The following RSF1 variants were observed in gnomAD, a reference collection of about 807,000 sequenced individuals.
RSF1 encodes the protein remodeling and spacing factor 1, also known as HBV pX-associated protein 8.
RSF1 carries 13 observed loss-of-function variants against 145.2 expected under a neutral mutation model. The observed-to-expected ratio is 0.09, with a 90% CI of 0.06 to 0.14. The LOEUF (loss-of-function observed/expected upper bound fraction) is 0.14. Ranked by LOEUF, RSF1 falls within the 10% of genes least tolerant of loss-of-function variation. The pLI, the probability that RSF1 is intolerant of heterozygous loss-of-function variation, is 1.00. For synonymous variants in RSF1, 577 were observed against 592.6 expected (o/e 0.97, Z 0.38); for missense variants, 1,517 against 1,718.2 (o/e 0.88, Z 2.07).
chr11:77,686,116 C>T (rs1959996899), intron 9 of RSF1, among the ~76,000 whole-genome samples: 1 of 151,894 alleles, frequency 6.6e-6, no homozygotes, highest in Non-Finnish European at 1.5e-5. Context: ...AATTAAATTA[C>T]ATATTAAAAA....
chr11:77,683,816 G>T lies in RSF1; in HGVS notation c.2959C>A (p.Pro987Thr), dbSNP rs764776741. The change falls in exon 11 of 16, where the codon CCA (proline) becomes ACA (threonine). Residue 987 changes from proline to threonine, a missense_variant. Coordinates refer to ENST00000308488, the MANE Select transcript of RSF1 (RefSeq NM_016578.4). Reference sequence around the variant, plus strand: ...TCTTCTTGATCTTCAGAAAAGTCTGGCTCCTTAAAAAATATGATAATAAGC... The same window carrying T: ...TCTTCTTGATCTTCAGAAAAGTCTGTCTCCTTAAAAAATATGATAATAAGC... ...SIENIIPPQE[P>T]DFSEDQEEKK... 16 of 1,607,108 alleles carry T rather than the reference G, an allele frequency of 1.0e-5. No individual in the cohort carries two copies. The Admixed American group carries it at 1.0e-4, about 10-fold the overall frequency.
At position 77,728,626 on chromosome 11, in the gene RSF1, AGAAGG is replaced by A. The variant is rs1422020508; in HGVS notation, c.579-2932_579-2928del. On this transcript the variant is annotated intron_variant, in intron 4 of 15. Transcript: ENST00000308488. ...GAAGGGAAGGGAGAAGGGAGACGGG[AGAAGG>A]GAAGGGAAGGAAAGGAAAGGGAAAG... Among the ~76,000 whole-genome samples the A allele has an allele frequency of 4.0e-5, 6 of 151,832 alleles. No individual in the cohort carries two copies. In the East Asian group the frequency reaches 5.8e-4, roughly 15 times the overall value.
chr11:77,741,633 T>C (rs1023257268), intron 3 of RSF1, among the ~76,000 whole-genome samples: 1 of 152,190 alleles, frequency 6.6e-6, no homozygotes, highest in Non-Finnish European at 1.5e-5. Context: ...TATTCTGATA[T>C]ATGTGTATAG....
At chr11:77,837,008 C>T in the RSF1 span, among the ~76,000 whole-genome samples, 3 of 152,224 alleles carry the variant, frequency 2.0e-5, no homozygotes, top group African/African-American at 7.2e-5. Flanking sequence ...TGTTTGTCTT[C>T]TCTACTGTAG....
chr11:77,762,360 T>C (rs1330761399), intron 2 of RSF1: 1 of 152,190 alleles, frequency 6.6e-6, no homozygotes, highest in Non-Finnish European at 1.5e-5. Flanking sequence ...CTATCAATTA[T>C]CAATAGTTGT....
At chr11:77,795,492 A>G (rs539278074) in intron 1 of RSF1, among the ~76,000 whole-genome samples, 15 of 152,312 alleles carry the variant, frequency 9.8e-5, no homozygotes, top group African/African-American at 3.4e-4. Flanking sequence ...ACAGTAACCA[A>G]AACATTTCAG....
At chr11:77,770,952 C>T (rs977673072) in intron 1 of RSF1, among the ~76,000 whole-genome samples, 1 of 152,156 alleles carries the variant, frequency 6.6e-6, no homozygotes, top group African/African-American at 2.4e-5. Context: ...CTTATATAAC[C>T]ACTATCCTGG....
chr11:77,863,156 G>A, the RSF1 span, among the ~76,000 whole-genome samples: 4 of 152,130 alleles, frequency 2.6e-5, no homozygotes, highest in East Asian at 1.9e-4. Flanking sequence ...CGTGGGTCAC[G>A]GAAGAGAACC....
intron 2 of RSF1, among the ~76,000 whole-genome samples, chr11:77,758,803 A>T (rs1427609377): frequency 6.6e-6 from 1 of 152,102 alleles, no homozygotes; most frequent in African/African-American, 2.4e-5. Flanking sequence ...GAGTTTTAGG[A>T]GCTCCTTATA....
intron 6 of RSF1, among the ~76,000 whole-genome samples, chr11:77,700,349 C>CAAAAAAAAAAA (rs71046906): frequency 2.8e-4 from 13 of 47,206 alleles, no homozygotes; most frequent in Admixed American, 3.5e-4. Context: ...GACTGTCTCA[C>CAAAAAAAAAAA]AAAAAAAAAA....
chr11:77,712,855 T>G (rs1960719920), intron 5 of RSF1, among the ~76,000 whole-genome samples: 1 of 152,232 alleles, frequency 6.6e-6, no homozygotes. Flanking sequence ...AAACTCTTAC[T>G]GCTTTCAATA....
the RSF1 span, among the ~76,000 whole-genome samples, chr11:77,832,993 G>A: frequency 0.36 from 19,188 of 53,242 alleles, 3,786 homozygotes; most frequent in African/African-American, 0.52. Flanking sequence ...GTGTGTGTGT[G>A]TGTGTATATA....
intron 1 of RSF1, among the ~76,000 whole-genome samples, chr11:77,808,304 C>G (rs181418416): frequency 8.2e-4 from 124 of 152,028 alleles, no homozygotes; most frequent in African/African-American, 2.9e-3. Context: ...TGCACTGCAG[C>G]CTGGGCAACA....
chr11:77,778,234 GGGAAGGGGAGAGCATGGGGGAGGGAA>G (rs1948367568), intron 1 of RSF1, among the ~76,000 whole-genome samples: 5 of 64,162 alleles, frequency 7.8e-5, no homozygotes, highest in African/African-American at 1.2e-4. Context: ...GGGTGGGGGA[GGGAAGGGGAGAGCATGGGGGAGGGAA>G]GGGGAGAGGA....
chr11:77,739,260 A>C (rs940607963), intron 4 of RSF1: 3 of 152,588 alleles, frequency 2.0e-5, no homozygotes, highest in Non-Finnish European at 4.4e-5. Context: ...ATTTTAAACA[A>C]CTATGACTGA....
chr11:77,713,713 C>T (rs1960741896), intron 5 of RSF1, among the ~76,000 whole-genome samples: 1 of 151,754 alleles, frequency 6.6e-6, no homozygotes, highest in South Asian at 2.1e-4. Flanking sequence ...TTACAAATAC[C>T]CTGTTTTCTA....
rs1959978332 is a variant in RSF1, at chr11:77,685,438, G to A, written c.2901-279C>T. Among the ~76,000 whole-genome samples, 4 of 152,244 alleles carry A rather than the reference G, an allele frequency of 2.6e-5. No individual in the cohort carries two copies. The South Asian group carries it at 8.3e-4, about 32-fold the overall frequency. On this transcript the variant is annotated intron_variant, in intron 9 of 15. Coordinates refer to ENST00000308488, the MANE Select transcript of RSF1 (RefSeq NM_016578.4). ...AGCCTTGCAAGTAGCTGGGATTACA[G>A]GTGAGAGCCACCACAACCAGCTAAT...
At chr11:77,800,847 G>A (rs1948618751) in intron 1 of RSF1, among the ~76,000 whole-genome samples, 1 of 152,118 alleles carries the variant, frequency 6.6e-6, no homozygotes, top group Non-Finnish European at 1.5e-5. Context: ...GGGCTACAGT[G>A]AGACTCTGTC....
chr11:77,690,171 A>C (rs544639913), intron 9 of RSF1, among the ~76,000 whole-genome samples: 46 of 151,846 alleles, frequency 3.0e-4, no homozygotes, highest in Middle Eastern at 3.4e-3. Flanking sequence ...CAAAAAAAAA[A>C]AAAAAAAAAC....
Sources: allele counts gnomAD v4.1 joint callset (sites outside exome capture counted in the v4.1 genomes callset), GRCh38; gene constraint gnomAD v4.1.1; transcripts MANE v1.5; gene names NCBI Gene and HGNC (gene_info 2026-07-23, HGNC 2026-07-21).